CD38: variants seen among roughly 807,000 people sequenced by gnomAD.
CD38 encodes CD38 molecule.
CD38 carries 31 observed loss-of-function variants against 36.3 expected under a neutral mutation model. The ratio of observed to expected loss-of-function variants is 0.85; its 90% CI spans 0.64 to 1.15. The LOEUF is 1.15. Ranked by LOEUF, CD38 falls within the 50% of genes most tolerant of loss-of-function variation. The pLI is 0.00. For synonymous variants in CD38, 131 were observed against 135.2 expected (o/e 0.97, Z 0.22); for missense variants, 380 against 371.9 (o/e 1.02, Z -0.18).
chr4:15,786,788 C>T (rs560987837), intron 1 of CD38, among the ~76,000 whole-genome samples: 6 of 152,284 alleles, frequency 3.9e-5, no homozygotes, highest in Admixed American at 2.0e-4. Context: ...GCGCGGTGCT[C>T]GTCGGGGAGG....
intron 7 of CD38, among the ~76,000 whole-genome samples, chr4:15,841,269 C>A (rs972323817): frequency 6.6e-6 from 1 of 152,102 alleles, no homozygotes; most frequent in Non-Finnish European, 1.5e-5. Context: ...AAGATTGATG[C>A]AGAGAGGAAA....
intron 1 of CD38, among the ~76,000 whole-genome samples, chr4:15,797,144 T>C (rs1440914430): frequency 6.6e-6 from 1 of 152,196 alleles, no homozygotes; most frequent in East Asian, 1.9e-4. Context: ...TTTGCTGGTC[T>C]GATAAGGGAA....
Position 15,848,926 on chromosome 4 carries a change from C to G in CD38, c.*324C>G, listed in dbSNP as rs1356525709. The G allele has an allele frequency of 1.6e-5, 3 of 189,092 alleles. No individual in the cohort carries two copies. Among genetic ancestry groups the G allele is most frequent in the African/African-American group, 4.7e-5 (2 of 42,870 alleles). 11.7% of individuals were successfully genotyped at this position (189,092 alleles called of 1,614,324 possible). A position where few individuals can be genotyped will look rare whatever the true frequency, so the allele number is the denominator to read the frequency against. Reference sequence around the variant, plus strand: ...TAACATCCTTTCTATTGAAAAATCACCACACCAAACCTCTCTTATTAGAAC... The same window carrying G: ...TAACATCCTTTCTATTGAAAAATCAGCACACCAAACCTCTCTTATTAGAAC... On this transcript the variant is annotated 3_prime_UTR_variant, in exon 8 of 8. Transcript: ENST00000226279.
At chr4:15,819,662 A>G (rs1577651225) in intron 2 of CD38, among the ~76,000 whole-genome samples, 1 of 152,184 alleles carries the variant, frequency 6.6e-6, no homozygotes, top group East Asian at 1.9e-4. Context: ...CTTGAAGAGT[A>G]TCTTGCTGAA....
intron 3 of CD38, among the ~76,000 whole-genome samples, chr4:15,827,918 C>T (rs1361920527): frequency 2.6e-5 from 4 of 152,042 alleles, no homozygotes; most frequent in Non-Finnish European, 5.9e-5. Flanking sequence ...TCTAAGTTGA[C>T]AATTTATAAT....
intron 1 of CD38, among the ~76,000 whole-genome samples, chr4:15,786,196 A>G (rs1007107836): frequency 6.6e-6 from 1 of 151,882 alleles, no homozygotes; most frequent in Non-Finnish European, 1.5e-5. Flanking sequence ...GAAGTGTAGA[A>G]CGGGACGCCA....
At position 15,791,702 on chromosome 4, in the gene CD38, C is replaced by T. The variant is rs1316174112; in HGVS notation, c.233+13055C>T. Reference sequence around the variant, plus strand: ...GGGGATCAGCCCCCCGCCTGGCCAGCCGCCCCGTCCGGGAGGTGAGGGGCG... The same window carrying T: ...GGGGATCAGCCCCCCGCCTGGCCAGTCGCCCCGTCCGGGAGGTGAGGGGCG... On this transcript the variant is annotated intron_variant, in intron 1 of 7. Transcript: ENST00000226279. Among the ~76,000 whole-genome samples the T allele has an allele frequency of 1.2e-3, 99 of 83,480 alleles. 4 individuals carry two copies. Among genetic ancestry groups the T allele is most frequent in the Non-Finnish European group, 1.6e-3 (71 of 45,530 alleles). The allele number at this position is 83,480 out of a possible 152,430, so 54.8% of individuals were successfully genotyped here.
intron 2 of CD38, among the ~76,000 whole-genome samples, chr4:15,819,422 G>C (rs1474925295): frequency 2.0e-5 from 3 of 151,822 alleles, no homozygotes; most frequent in Non-Finnish European, 4.4e-5. Flanking sequence ...ACAGAAGTAG[G>C]CTTCAGAAGA....
intron 3 of CD38, 55 bp downstream of exon 3, chr4:15,825,071 A>G: frequency 6.5e-7 from 1 of 1,542,048 alleles, no homozygotes; most frequent in Non-Finnish European, 8.8e-7. Context: ...GAACAGAGTG[A>G]CTTCTGCTGG....
At chr4:15,794,627 C>T (rs1245692990) in intron 1 of CD38, among the ~76,000 whole-genome samples, 2 of 151,912 alleles carry the variant, frequency 1.3e-5, no homozygotes, top group East Asian at 1.9e-4. Context: ...TTATGTGGAA[C>T]AAATTCAAGA....
intron 3 of CD38, among the ~76,000 whole-genome samples, chr4:15,827,186 AG>A (rs1480376357): frequency 6.6e-6 from 1 of 152,168 alleles, no homozygotes; most frequent in Admixed American, 6.5e-5. Context: ...TAAGTGGCAA[AG>A]CAAGAAGCAA....
intron 1 of CD38, among the ~76,000 whole-genome samples, chr4:15,786,665 G>A (rs1229667595): frequency 6.6e-6 from 1 of 152,218 alleles, no homozygotes; most frequent in African/African-American, 2.4e-5. Flanking sequence ...AGCCCAGCTG[G>A]CTTCACCTAG....
chr4:15,800,620 A>G (rs1723198106), intron 1 of CD38, among the ~76,000 whole-genome samples: 1 of 152,218 alleles, frequency 6.6e-6, no homozygotes, highest in Non-Finnish European at 1.5e-5. Context: ...ATCTTTAAAA[A>G]TTAGGGTTTT....
At chr4:15,783,719 C>T (rs1198671426) in intron 1 of CD38, among the ~76,000 whole-genome samples, 1 of 152,182 alleles carries the variant, frequency 6.6e-6, no homozygotes, top group Non-Finnish European at 1.5e-5. Context: ...CACTTCTGTG[C>T]CCACAAGGAC....
chr4:15,825,835 C>G (rs1301705888), intron 3 of CD38: 2 of 152,212 alleles, frequency 1.3e-5, no homozygotes, highest in Non-Finnish European at 2.9e-5. Flanking sequence ...ACTCTTCCAT[C>G]TCAGGCACTG....
intron 3 of CD38, among the ~76,000 whole-genome samples, chr4:15,827,508 T>C (rs1723873542): frequency 6.6e-6 from 1 of 152,206 alleles, no homozygotes; most frequent in Non-Finnish European, 1.5e-5. Flanking sequence ...AATATGGTAA[T>C]ATAAATATGT....
intron 1 of CD38, among the ~76,000 whole-genome samples, chr4:15,789,300 C>T (rs1722905521): frequency 6.6e-6 from 1 of 152,086 alleles, no homozygotes. Flanking sequence ...GGGAGACAGA[C>T]ATTGAAACAG....
chr4:15,790,910 G>A (rs982033282), intron 1 of CD38, among the ~76,000 whole-genome samples: 4 of 136,634 alleles, frequency 2.9e-5, no homozygotes, highest in South Asian at 2.4e-4. Context: ...CGGCCGCCCC[G>A]TCTGAGAGGT....
chr4:15,824,978 C>T lies in CD38; in HGVS notation c.461C>T (p.Ala154Val), dbSNP rs1170281360. 2.5e-6 allele frequency: 4 copies of T among 1,613,668 alleles called. No homozygotes were observed. The highest frequency in any genetic ancestry group is 3.3e-5 in the Admixed American group (2 of 59,898). ...TLEDTLLGYL[A>V]DDLTWCGEFN... ...GAGGACACGCTGCTAGGCTACCTTG[C>T]TGATGACCTCACATGGTGTGGTGAA... Residue 154 changes from alanine to valine, a missense_variant, in exon 3 of 8, where the codon GCT becomes GTT. Physicochemically the swap from Ala to Val is moderately conservative, Grantham distance 64. Coordinates refer to ENST00000226279, the MANE Select transcript of CD38 (RefSeq NM_001775.4).
Sources: gnomAD v4.1 joint callset for allele counts (sites outside exome capture counted in the v4.1 genomes callset) on GRCh38, gnomAD v4.1.1 for gene constraint, MANE v1.5 for transcripts, NCBI Gene and HGNC (gene_info 2026-07-23, HGNC 2026-07-21) for gene names.